Variants in PLCE1 observed in about 807,000 individuals in gnomAD.
PLCE1 encodes phospholipase C epsilon 1, also known as 1-phosphatidylinositol 4,5-bisphosphate phosphodiesterase epsilon-1.
PLCE1 carries 119 observed loss-of-function variants against 242.8 expected under a neutral mutation model. That is an observed-to-expected ratio of 0.49 (90% confidence interval 0.42 to 0.57). PLCE1 has a LOEUF of 0.57. Among genes scored for constraint, PLCE1 ranks in the 20% least tolerant of loss-of-function variants. The pLI, the probability that PLCE1 is intolerant of heterozygous loss-of-function variation, is 0.00. For synonymous variants in PLCE1, 945 were observed against 1,017.4 expected (o/e 0.93, Z 1.35); for missense variants, 2,441 against 2,788.8 (o/e 0.88, Z 2.81).
At position 94,182,432 on chromosome 10, in the gene PLCE1, A is replaced by AT. The variant is rs569973730; in HGVS notation, c.1809+10953dup. 6.2e-3 allele frequency among the ~76,000 whole-genome samples: 853 copies of AT among 138,222 alleles called. 9 individuals are homozygous for AT. The highest frequency in any genetic ancestry group is 0.015 in the African/African-American group (569 of 38,048). 90.7% of individuals were successfully genotyped at this position (138,222 alleles called of 152,430 possible). Reference sequence around the variant, plus strand: ...AGATGTGCACCACCACCCTTGGATAATTTTTTTTTTTTTTTTTAGTAGAGA... The same window carrying AT: ...AGATGTGCACCACCACCCTTGGATAATTTTTTTTTTTTTTTTTTAGTAGAGA... On this transcript the variant is annotated intron_variant, in intron 4 of 32. Coordinates refer to ENST00000371380, the MANE Select transcript of PLCE1 (RefSeq NM_016341.4).
At chr10:94,157,551 A>C (rs947046366) in intron 3 of PLCE1, among the ~76,000 whole-genome samples, 3 of 152,180 alleles carry the variant, frequency 2.0e-5, no homozygotes, top group Non-Finnish European at 4.4e-5. Context: ...CACACCAGTA[A>C]GGGAGGCAGT....
At chr10:94,326,541 G>A (rs1008502475) in intron 32 of PLCE1, among the ~76,000 whole-genome samples, 8 of 152,202 alleles carry the variant, frequency 5.3e-5, no homozygotes, top group African/African-American at 1.4e-4. Flanking sequence ...ACTAAAGCTA[G>A]TAAATTGGTC....
At chr10:94,015,741 G>A (rs963442713) in intron 1 of PLCE1, among the ~76,000 whole-genome samples, 5 of 152,126 alleles carry the variant, frequency 3.3e-5, no homozygotes, top group Admixed American at 3.3e-4. Context: ...GGGAATAGGG[G>A]GCTAGCGCAC....
intron 1 of PLCE1, among the ~76,000 whole-genome samples, chr10:94,009,569 CATCT>C: frequency 6.6e-6 from 1 of 152,214 alleles, no homozygotes. Context: ...TCCTAAGTCT[CATCT>C]AAGACTCATT....
intron 1 of PLCE1, among the ~76,000 whole-genome samples, chr10:94,019,155 A>G (rs368267884): frequency 2.0e-4 from 30 of 152,308 alleles, no homozygotes; most frequent in African/African-American, 6.7e-4. Flanking sequence ...AGGTTGAGTT[A>G]TTTAAGATAA....
intron 2 of PLCE1, among the ~76,000 whole-genome samples, chr10:94,075,295 A>G (rs766765616): frequency 1.3e-5 from 2 of 152,246 alleles, no homozygotes; most frequent in African/African-American, 2.4e-5. Context: ...TCTCCCCTCC[A>G]TCTAATACGA....
chr10:94,252,594 G>T (rs765857436), intron 9 of PLCE1, 96 bp downstream of exon 9: 2 of 1,072,148 alleles, frequency 1.9e-6, no homozygotes, highest in South Asian at 1.4e-5. Context: ...TTTGGGTTGA[G>T]GACAAAGTCA....
chr10:94,306,766 C>T lies in PLCE1; in HGVS notation c.5884+78C>T. The T allele has an allele frequency of 8.9e-7, 1 of 1,119,670 alleles. No individual in the cohort carries two copies. The allele number at this position is 1,119,670 out of a possible 1,614,324, so 69.4% of individuals were successfully genotyped here. A position where few individuals can be genotyped will look rare whatever the true frequency, so the allele number is the denominator to read the frequency against. On this transcript the variant is annotated intron_variant, in intron 26 of 32. Transcript: ENST00000371380. This position sits in a 1 kb window ranked among gnomAD's most constrained non-coding sequence, Gnocchi z 5.7. ...CCAGAATTTCCTTATACTCTTCTCT[C>T]TTTTCTGTTTGACATTTTCCTATAA...
intron 3 of PLCE1, among the ~76,000 whole-genome samples, chr10:94,163,105 T>C (rs1373043809): frequency 1.3e-5 from 2 of 152,176 alleles, no homozygotes; most frequent in African/African-American, 2.4e-5. Flanking sequence ...ATAGGTGTGG[T>C]GTGGTGCTGA....
intron 19 of PLCE1, among the ~76,000 whole-genome samples, chr10:94,277,341 T>A (rs1036037070): frequency 6.6e-6 from 1 of 152,160 alleles, no homozygotes; most frequent in Admixed American, 6.5e-5. Flanking sequence ...AGTCTCCTCA[T>A]CTGACCCATA....
chr10:94,289,049 C>G (rs1348748359), intron 22 of PLCE1, among the ~76,000 whole-genome samples: 1 of 152,110 alleles, frequency 6.6e-6, no homozygotes, highest in Admixed American at 6.5e-5. Context: ...GTTGGAACAC[C>G]TTGGAGGGCA....
chr10:94,237,399 C>G (rs2050361001), intron 7 of PLCE1, among the ~76,000 whole-genome samples: 1 of 152,148 alleles, frequency 6.6e-6, no homozygotes, highest in South Asian at 2.1e-4. Context: ...CTCGAAGTTC[C>G]TTCAAGTGGT....
rs540452658 is a variant in PLCE1 at position 94,030,738 on chromosome 10, A to G, written c.-309A>G. The G allele has an allele frequency of 1.8e-4, 66 of 360,536 alleles. 1 individual carries two copies. Among genetic ancestry groups the G allele is most frequent in the African/African-American group, 1.3e-3 (63 of 47,904 alleles). 22.3% of individuals were successfully genotyped at this position (360,536 alleles called of 1,614,324 possible). A position where few individuals can be genotyped will look rare whatever the true frequency, so the allele number is the denominator to read the frequency against. On this transcript the variant is annotated 5_prime_UTR_variant, in exon 2 of 33. Transcript: ENST00000371380. ...AATCATTGCAAATCAGTGATGGATC[A>G]GAAGTTGCAGAGTGCAATCCCGAGT...
At chr10:94,299,137 G>A (rs138111717) in intron 24 of PLCE1, among the ~76,000 whole-genome samples, 7 of 152,266 alleles carry the variant, frequency 4.6e-5, no homozygotes, top group East Asian at 1.9e-4. Flanking sequence ...GTCAGTGCCC[G>A]AAGAGTAGCT....
chr10:94,087,844 G>A lies in PLCE1; in HGVS notation c.1207-44330G>A, dbSNP rs142777223. Among the ~76,000 whole-genome samples the A allele has an allele frequency of 5.4e-3, 818 of 152,310 alleles. 7 individuals are homozygous for A. The highest frequency in any genetic ancestry group is 0.018 in the African/African-American group (765 of 41,556). On this transcript the variant is annotated intron_variant, in intron 2 of 32. Transcript: ENST00000371380. ...CAGGCCAGAGCTCTTTTCATGTGAC[G>A]TTTGATACTTACCCCTACATTTGGA...
chr10:94,187,355 G>A (rs563678208), intron 4 of PLCE1, among the ~76,000 whole-genome samples: 3 of 152,210 alleles, frequency 2.0e-5, no homozygotes, highest in East Asian at 1.9e-4. Context: ...TATTCATTCC[G>A]TGTAAAAACA....
In PLCE1 at chr10:94,270,364, C is replaced by CGGGG. The variant is rs1358697830; in HGVS notation, c.4390-122_4390-121insGGGG. 1.3e-5 allele frequency: 10 copies of CGGGG among 773,590 alleles called. No individual in the cohort carries two copies. In the African/African-American group the frequency reaches 1.5e-4, roughly 12 times the overall value. The allele number at this position is 773,590 out of a possible 1,614,324, so 47.9% of individuals were successfully genotyped here. A position where few individuals can be genotyped will look rare whatever the true frequency, so the allele number is the denominator to read the frequency against. ...CATGCTTCATTTGAAAATACGAAAA[C>CGGGG]CATCTTTGGCCAGAGTCTGCTGCAT... On this transcript the variant is annotated intron_variant, in intron 17 of 32. Coordinates refer to ENST00000371380, the MANE Select transcript of PLCE1 (RefSeq NM_016341.4).
At chr10:94,242,603 G>A (rs35606681) in intron 7 of PLCE1, among the ~76,000 whole-genome samples, 25,758 of 152,134 alleles carry the variant, frequency 0.17, 2,706 homozygotes, top group East Asian at 0.3. Flanking sequence ...GAGCCACTGC[G>A]CATGGCCCAG....
intron 4 of PLCE1, among the ~76,000 whole-genome samples, chr10:94,199,736 A>T (rs990410942): frequency 9.2e-5 from 14 of 152,228 alleles, no homozygotes; most frequent in Admixed American, 6.5e-5. Flanking sequence ...AGCGTGAGTC[A>T]GTTTTGTCAA....
Sources: allele counts gnomAD v4.1 joint callset (sites outside exome capture counted in the v4.1 genomes callset), GRCh38; gene constraint gnomAD v4.1.1; non-coding constraint Gnocchi (gnomAD v3.1); transcripts MANE v1.5; gene names NCBI Gene and HGNC (gene_info 2026-07-23, HGNC 2026-07-21).